Variants in CUL2 observed in about 807,000 individuals in gnomAD.
CUL2 encodes cullin-2.
CUL2 carries 22 observed loss-of-function variants against 110.2 expected under a neutral mutation model. The observed-to-expected ratio is 0.20, with a 90% CI of 0.14 to 0.28. The LOEUF is 0.28. CUL2 is among the 10% of genes least tolerant of loss of function. The pLI is 1.00. For missense variants in CUL2, 631 were observed against 905.5 expected, an observed-to-expected ratio of 0.70 and a Z score of 3.89; for synonymous variants, 279 against 293.2, an observed-to-expected ratio of 0.95 and a Z score of 0.49.
chr10:35,077,167 G>A (rs2086840127), intron 1 of CUL2, among the ~76,000 whole-genome samples: 1 of 152,064 alleles, frequency 6.6e-6, no homozygotes, highest in East Asian at 1.9e-4. Flanking sequence ...TTGGCAATAC[G>A]AGGAAATGAA....
At chr10:35,051,046 T>A (rs572501038) in intron 5 of CUL2, among the ~76,000 whole-genome samples, 1 of 152,238 alleles carries the variant, frequency 6.6e-6, no homozygotes. Context: ...CCAGGCACAG[T>A]GGCTCACGCC....
intron 9 of CUL2, among the ~76,000 whole-genome samples, chr10:35,037,981 C>A (rs546361911): frequency 2.6e-5 from 4 of 151,802 alleles, no homozygotes; most frequent in Admixed American, 1.3e-4. Flanking sequence ...GGTGACACCC[C>A]GTCTCTACTA....
rs1444074147 is a variant in CUL2 at position 35,103,596 on chromosome 10, T to TACAG, written c.-50-2540_-50-2537dup. Among the ~76,000 whole-genome samples the TACAG allele has an allele frequency of 3.9e-5, 6 of 152,162 alleles. No homozygotes were observed. In the East Asian group the frequency reaches 9.7e-4, roughly 25 times the overall value. On this transcript the variant is annotated intron_variant, in intron 1 of 5. Transcript: ENST00000685421. ...TCTCGGCCTCCCAAAGTGCTGGGAT[T>TACAG]ACAGGCGTGAGCCACCGCGCCCGGC...
intron 1 of CUL2, among the ~76,000 whole-genome samples, chr10:35,120,961 A>G (rs1032660160): frequency 6.6e-6 from 1 of 151,390 alleles, no homozygotes; most frequent in Non-Finnish European, 1.5e-5. Flanking sequence ...TAATATGGAT[A>G]TAATTCCCTT....
At chr10:35,011,820 G>A (rs1289810552) in intron 20 of CUL2, 28 bp downstream of exon 20, 1 of 1,239,776 alleles carries the variant, frequency 8.1e-7, no homozygotes, top group Admixed American at 1.8e-5. Context: ...TCTACCCTAA[G>A]AAGCCCTGAG....
chr10:35,052,465 T>C (rs1045663286), intron 5 of CUL2, among the ~76,000 whole-genome samples: 58 of 152,270 alleles, frequency 3.8e-4, no homozygotes, highest in Admixed American at 2.3e-3. Context: ...CACATAAATA[T>C]AACTCCATGA....
intron 1 of CUL2, among the ~76,000 whole-genome samples, chr10:35,078,743 G>A (rs2086881399): frequency 6.6e-6 from 1 of 152,156 alleles, no homozygotes; most frequent in Admixed American, 6.5e-5. Flanking sequence ...CCTTCTAAAA[G>A]TATAATTATC....
chr10:35,052,397 G>C (rs1039650269), intron 5 of CUL2, among the ~76,000 whole-genome samples: 1 of 152,172 alleles, frequency 6.6e-6, no homozygotes, highest in African/African-American at 2.4e-5. Context: ...TGCTTCGACA[G>C]AGGCTCCACT....
At chr10:35,041,170 A>G (rs2085776713) in intron 8 of CUL2, among the ~76,000 whole-genome samples, 1 of 152,266 alleles carries the variant, frequency 6.6e-6, no homozygotes, top group African/African-American at 2.4e-5. Flanking sequence ...AAAAAGGATT[A>G]AGTCTATTAG....
At chr10:35,041,768 C>T (rs1490762306) in intron 8 of CUL2, among the ~76,000 whole-genome samples, 1 of 152,150 alleles carries the variant, frequency 6.6e-6, no homozygotes, top group Non-Finnish European at 1.5e-5. Context: ...AACTCCTGGA[C>T]TTGCGTAATC....
intron 5 of CUL2, among the ~76,000 whole-genome samples, chr10:35,051,650 T>A (rs1025673302): frequency 4.6e-5 from 7 of 152,186 alleles, no homozygotes; most frequent in African/African-American, 1.7e-4. Context: ...TGTCTCCTTG[T>A]GGTTTTAACT....
In CUL2 at chr10:35,032,824, T is replaced by C. The variant is rs10160202; in HGVS notation, c.1111-330A>G. On this transcript the variant is annotated intron_variant, in intron 11 of 20. Coordinates refer to ENST00000374749, the MANE Select transcript of CUL2 (RefSeq NM_003591.4). Reference sequence around the variant, plus strand: ...CGTATGCAAAAGTTCATGTAAAACATATCTATTCTCTTTTCAAATATTATT... The same window carrying C: ...CGTATGCAAAAGTTCATGTAAAACACATCTATTCTCTTTTCAAATATTATT... Among the ~76,000 whole-genome samples, 1,390 of 152,182 alleles carry C rather than the reference T, an allele frequency of 9.1e-3. 24 individuals carry two copies. The highest frequency in any genetic ancestry group is 0.032 in the African/African-American group (1,316 of 41,516).
At chr10:35,079,762 C>G (rs974372941) in intron 1 of CUL2, 4 of 154,734 alleles carry the variant, frequency 2.6e-5, no homozygotes, top group African/African-American at 4.8e-5. Flanking sequence ...AAAGGAAGCA[C>G]TCTATGGCAG....
At chr10:35,065,419 G>A (rs2086492423) in intron 2 of CUL2, among the ~76,000 whole-genome samples, 1 of 152,118 alleles carries the variant, frequency 6.6e-6, no homozygotes, top group African/African-American at 2.4e-5. Flanking sequence ...AGGAGATCGA[G>A]ACCATCCTGG....
At chr10:35,013,825 T>C (rs1314139942) in intron 18 of CUL2, 25 bp from the exon 19 acceptor site, 3 of 1,373,578 alleles carry the variant, frequency 2.2e-6, no homozygotes, top group East Asian at 2.6e-5. Context: ...AAAACATTTA[T>C]ATTTATAAAA....
chr10:35,038,646 T>C (rs1376609695), intron 9 of CUL2, among the ~76,000 whole-genome samples: 1 of 151,482 alleles, frequency 6.6e-6, no homozygotes, highest in Non-Finnish European at 1.5e-5. Flanking sequence ...ATTCCTACTG[T>C]TTATCAGGAA....
intron 17 of CUL2, 68 bp from the exon 18 acceptor site, chr10:35,016,462 C>G: frequency 8.1e-7 from 1 of 1,227,732 alleles, no homozygotes; most frequent in Non-Finnish European, 1.1e-6. Flanking sequence ...TACTTTATTT[C>G]AGACATTTTC....
Position 35,063,025 on chromosome 10 carries a change from G to C in CUL2, c.157C>G (p.Leu53Val). 6.2e-7 allele frequency: 1 copy of C among 1,611,080 alleles called. No homozygotes were observed. The highest frequency in any genetic ancestry group is 8.5e-7 in the Non-Finnish European group (1 of 1,177,540). ...YALCVAYPEP[L>V]GERLYTETKI... ...GTTTCTGTATAAAGTCTTTCTCCAA[G>C]GGGTTCAGGATAGGCCACACATAAA... is the stretch of plus-strand genomic sequence containing the variant. Residue 53 changes from leucine (L) to valine (V), a missense_variant, in exon 3 of 21, where the codon CTT becomes GTT. Physicochemically the swap from Leu to Val is conservative, Grantham distance 32 (BLOSUM62 1). Transcript: ENST00000374749.
At chr10:35,080,233 A>C (rs2086912458) in intron 1 of CUL2, among the ~76,000 whole-genome samples, 1 of 152,164 alleles carries the variant, frequency 6.6e-6, no homozygotes, top group African/African-American at 2.4e-5. Flanking sequence ...TTAATATTAA[A>C]ATAAGCTCCA....
Sources: gnomAD v4.1 joint callset for allele counts (sites outside exome capture counted in the v4.1 genomes callset) on GRCh38, gnomAD v4.1.1 for gene constraint, MANE v1.5 for transcripts, NCBI Gene and HGNC (gene_info 2026-07-23, HGNC 2026-07-21) for gene names.